MACROD2: variants seen among roughly 807,000 people sequenced by gnomAD.
MACROD2 encodes the protein mono-ADP ribosylhydrolase 2.
Under a neutral mutation model 70.4 loss-of-function variants are expected in MACROD2, and 36 were observed. That is an observed-to-expected ratio of 0.51 (90% CI 0.39 to 0.68). The LOEUF (loss-of-function observed/expected upper bound fraction) is 0.68. Among genes scored for constraint, MACROD2 ranks in the 30% least tolerant of loss-of-function variants. The pLI is 0.00. For synonymous variants in MACROD2, 172 were observed against 178.8 expected (o/e 0.96, Z 0.30); for missense variants, 496 against 538.4 (o/e 0.92, Z 0.78).
chr20:14,673,756 T>TA (rs376476523), intron 4 of MACROD2, among the ~76,000 whole-genome samples: 12 of 151,492 alleles, frequency 7.9e-5, no homozygotes, highest in South Asian at 2.1e-4. Flanking sequence ...CCATCTTTAC[T>TA]AAAAAAACAA....
chr20:15,375,012 G>A (rs555825065), intron 6 of MACROD2, among the ~76,000 whole-genome samples: 13 of 152,240 alleles, frequency 8.5e-5, no homozygotes, highest in African/African-American at 2.6e-4. Flanking sequence ...AAAATGGGCC[G>A]GCATTGGATG....
At chr20:15,350,521 G>A (rs1310190595) in intron 6 of MACROD2, among the ~76,000 whole-genome samples, 4 of 152,164 alleles carry the variant, frequency 2.6e-5, no homozygotes, top group Admixed American at 6.5e-5. Flanking sequence ...ATGCAAATTC[G>A]TGTTTACTCA....
chr20:14,394,882 T>C (rs2083565446), intron 3 of MACROD2, among the ~76,000 whole-genome samples: 1 of 152,226 alleles, frequency 6.6e-6, no homozygotes, highest in South Asian at 2.1e-4. Flanking sequence ...CCTGTTGATA[T>C]GGTGAATTAT....
intron 4 of MACROD2, among the ~76,000 whole-genome samples, chr20:14,643,108 C>T (rs1985185548): frequency 2.0e-5 from 3 of 152,064 alleles, no homozygotes; most frequent in Non-Finnish European, 2.9e-5. Context: ...ATAAAACTTA[C>T]ATGTTTTATA....
intron 8 of MACROD2, among the ~76,000 whole-genome samples, chr20:15,775,311 A>G (rs2051703531): frequency 6.6e-6 from 1 of 152,150 alleles, no homozygotes; most frequent in Admixed American, 6.5e-5. Flanking sequence ...CCAAGGTCGC[A>G]AAAACTCTTA....
intron 7 of MACROD2, among the ~76,000 whole-genome samples, chr20:15,437,833 CTTTTTT>C (rs879752171): frequency 2.6e-5 from 4 of 151,194 alleles, no homozygotes. Flanking sequence ...ACATAATCTC[CTTTTTT>C]TTTATGGCTG....
intron 4 of MACROD2, among the ~76,000 whole-genome samples, chr20:14,525,751 T>C (rs1189560204): frequency 6.6e-6 from 1 of 152,234 alleles, no homozygotes; most frequent in Non-Finnish European, 1.5e-5. Context: ...AGTTGGATGC[T>C]AAAGCACTTA....
intron 8 of MACROD2, among the ~76,000 whole-genome samples, chr20:15,651,786 A>T (rs1306005489): frequency 6.6e-6 from 1 of 152,134 alleles, no homozygotes; most frequent in Non-Finnish European, 1.5e-5. Context: ...GATGGGTCCC[A>T]TCTCGATCTC....
At chr20:14,649,281 A>G (rs1985554019) in intron 4 of MACROD2, among the ~76,000 whole-genome samples, 1 of 152,180 alleles carries the variant, frequency 6.6e-6, no homozygotes, top group South Asian at 2.1e-4. Context: ...TTAGAGATTA[A>G]TGAGGGTAGC....
chr20:15,133,707 A>G (rs2076123719), intron 5 of MACROD2, among the ~76,000 whole-genome samples: 1 of 152,090 alleles, frequency 6.6e-6, no homozygotes, highest in Non-Finnish European at 1.5e-5. Context: ...ATGTTTGTAC[A>G]ATGATGTTCA....
intron 5 of MACROD2, among the ~76,000 whole-genome samples, chr20:15,020,209 C>A (rs1193776669): frequency 2.0e-5 from 3 of 152,226 alleles, no homozygotes; most frequent in African/African-American, 7.2e-5. Flanking sequence ...CTACTGTGTT[C>A]TCTTGATTTC....
chr20:14,473,692 A>G (rs1378340645), intron 3 of MACROD2, among the ~76,000 whole-genome samples: 1 of 152,190 alleles, frequency 6.6e-6, no homozygotes, highest in Non-Finnish European at 1.5e-5. Flanking sequence ...ATCATATGGT[A>G]GTTCTATTTT....
chr20:15,011,039 G>A (rs1173537954), intron 5 of MACROD2, among the ~76,000 whole-genome samples: 1 of 152,192 alleles, frequency 6.6e-6, no homozygotes, highest in Admixed American at 6.5e-5. Context: ...CCTGATGCTA[G>A]TGACAAGTTG....
At chr20:15,493,507 A>G (rs1415928939) in intron 7 of MACROD2, among the ~76,000 whole-genome samples, 1 of 152,178 alleles carries the variant, frequency 6.6e-6, no homozygotes, top group Admixed American at 6.5e-5. Flanking sequence ...TCTGACTCCA[A>G]AAAGGACAGT....
chr20:15,355,458 G>A (rs528739879), intron 6 of MACROD2, among the ~76,000 whole-genome samples: 1 of 152,266 alleles, frequency 6.6e-6, no homozygotes, highest in East Asian at 1.9e-4. Flanking sequence ...AAATCTGGGT[G>A]CATCTTCCCA....
intron 5 of MACROD2, among the ~76,000 whole-genome samples, chr20:15,095,064 C>CTTTTTTTTTT (rs373794823): frequency 6.7e-5 from 6 of 89,294 alleles, no homozygotes; most frequent in South Asian, 7.5e-4. Context: ...GTCTCCTCTT[C>CTTTTTTTTTT]TTTTTTTTTT....
At chr20:14,659,729 G>A (rs907900749) in intron 4 of MACROD2, among the ~76,000 whole-genome samples, 5 of 152,052 alleles carry the variant, frequency 3.3e-5, no homozygotes, top group African/African-American at 1.2e-4. Flanking sequence ...ACCCTTTTGG[G>A]AGTGTACTCA....
At chr20:15,805,043 T>A (rs896484537) in intron 8 of MACROD2, among the ~76,000 whole-genome samples, 1 of 152,222 alleles carries the variant, frequency 6.6e-6, no homozygotes, top group African/African-American at 2.4e-5. Flanking sequence ...ATTGACTCCC[T>A]TCTCTATCTC....
chr20:14,995,370 G>C (rs537418030), intron 5 of MACROD2, among the ~76,000 whole-genome samples: 2 of 151,942 alleles, frequency 1.3e-5, no homozygotes, highest in Non-Finnish European at 2.9e-5. Context: ...ATTGACAAAA[G>C]AAGTAAGTCT....
Sources: allele counts gnomAD v4.1 joint callset (sites outside exome capture counted in the v4.1 genomes callset), GRCh38; gene constraint gnomAD v4.1.1; transcripts MANE v1.5; gene names NCBI Gene and HGNC (gene_info 2026-07-23, HGNC 2026-07-21).